PDE4B: variants seen among roughly 807,000 people sequenced by gnomAD.
The protein encoded by PDE4B is 3',5'-cyclic-AMP phosphodiesterase 4B.
Under a neutral mutation model 82.2 loss-of-function variants are expected in PDE4B, and 20 were observed. The ratio of observed to expected loss-of-function variants is 0.24; its 90% confidence interval spans 0.17 to 0.35. The LOEUF (loss-of-function observed/expected upper bound fraction) is 0.35, where lower values mean the gene tolerates loss of function less well. Among genes scored for constraint, PDE4B ranks in the 10% least tolerant of loss-of-function variants. The pLI is 1.00. For synonymous variants in PDE4B, 320 were observed against 318.9 expected (o/e 1.00, Z -0.04); for missense variants, 655 against 907.2 (o/e 0.72, Z 3.57).
chr1:66,275,905 C>A (rs1028377662), intron 7 of PDE4B, among the ~76,000 whole-genome samples: 3 of 152,170 alleles, frequency 2.0e-5, no homozygotes, highest in Admixed American at 2.0e-4. Context: ...CCAAAAGCGA[C>A]CCCTTGGAGT....
chr1:65,876,734 C>T lies in PDE4B; in HGVS notation c.-70-36511C>T, dbSNP rs529081453. ...ATAATCATACAATATGAAATATTTC[C>T]GTGGTTGGAAAATATAGCCTGAAAG... On this transcript the variant is annotated intron_variant, in intron 1 of 16. Transcript: ENST00000341517. 1.6e-4 allele frequency among the ~76,000 whole-genome samples: 24 copies of T among 152,006 alleles called. No homozygotes were observed. In the South Asian group the frequency reaches 3.1e-3, roughly 20 times the overall value.
At chr1:66,297,223 G>C (rs891282790) in intron 7 of PDE4B, among the ~76,000 whole-genome samples, 1 of 151,982 alleles carries the variant, frequency 6.6e-6, no homozygotes, top group African/African-American at 2.4e-5. Context: ...CTTGTGTAAG[G>C]TCCATAAGGA....
chr1:66,257,743 G>T, intron 5 of PDE4B, 50 bp from the exon 6 acceptor site: 1 of 1,605,484 alleles, frequency 6.2e-7, no homozygotes, highest in South Asian at 1.1e-5. Context: ...GTCTGAACCT[G>T]GCCATTTGTC....
intron 1 of PDE4B, among the ~76,000 whole-genome samples, chr1:65,816,416 T>C (rs1645886760): frequency 1.3e-5 from 2 of 152,102 alleles, no homozygotes; most frequent in African/African-American, 4.8e-5. Context: ...GAAGGAAAAA[T>C]AGCCAGTTTT....
rs143915622 is a variant in PDE4B at position 65,819,876 on chromosome 1, G to T, written c.-71+26628G>T. On this transcript the variant is annotated intron_variant, in intron 1 of 16. Coordinates refer to ENST00000341517, the MANE Select transcript of PDE4B (RefSeq NM_002600.4). ...TAAAAGAATTACAGAAGGAATGACC[G>T]CAGAGGTAGAAGGATTCCACCAATG... 3.0e-3 allele frequency among the ~76,000 whole-genome samples: 463 copies of T among 152,274 alleles called. 1 individual carries two copies. The highest frequency in any genetic ancestry group is 0.01 in the African/African-American group (433 of 41,548).
At chr1:66,054,992 G>A (rs1397975449) in intron 3 of PDE4B, among the ~76,000 whole-genome samples, 4 of 152,224 alleles carry the variant, frequency 2.6e-5, no homozygotes, top group African/African-American at 9.6e-5. Flanking sequence ...CACCTTTATA[G>A]AGGTGATATT....
At chr1:65,898,430 CCCA>C (rs1646934773) in intron 1 of PDE4B, among the ~76,000 whole-genome samples, 1 of 151,772 alleles carries the variant, frequency 6.6e-6, no homozygotes, top group Non-Finnish European at 1.5e-5. Flanking sequence ...AGGGTATTTC[CCCA>C]CCATCATTCT....
Position 66,372,484 on chromosome 1 carries a change from G to T in PDE4B, c.2017G>T (p.Gly673Cys). 1 of 1,614,090 alleles carries T rather than the reference G, an allele frequency of 6.2e-7. No individual in the cohort carries two copies. Residue 673 changes from glycine to cysteine, a missense_variant, in exon 17 of 17, where the codon GGT becomes TGT. Coordinates refer to ENST00000341517, the MANE Select transcript of PDE4B (RefSeq NM_002600.4). ...GGACGAGCAGAACAGGGACTGCCAG[G>T]GTCTGATGGAGAAGTTTCAGTTTGA... ...PLDEQNRDCQ[G>C]LMEKFQFELT...
At chr1:66,344,097 A>C (rs1015179951) in intron 8 of PDE4B, among the ~76,000 whole-genome samples, 4 of 152,196 alleles carry the variant, frequency 2.6e-5, no homozygotes, top group African/African-American at 9.7e-5. Flanking sequence ...AGTGCCCCCC[A>C]ATGCCTGTAG....
chr1:66,109,271 G>A (rs1311527305), intron 3 of PDE4B, among the ~76,000 whole-genome samples: 1 of 151,874 alleles, frequency 6.6e-6, no homozygotes, highest in Non-Finnish European at 1.5e-5. Context: ...GTGATGATGA[G>A]ATAATTCTTT....
rs550038287 is a variant in PDE4B at position 66,163,156 on chromosome 1, C to T, written c.282-84304C>T. Among the ~76,000 whole-genome samples, 5 of 152,248 alleles carry T rather than the reference C, an allele frequency of 3.3e-5. No individual in the cohort carries two copies. In the South Asian group the frequency reaches 1.0e-3, roughly 32 times the overall value. Reference sequence around the variant, plus strand: ...TACAGTAATCTAATCTAATTCTTCCCGAGACTCACCTGCAGAATGGAATTA... The same window carrying T: ...TACAGTAATCTAATCTAATTCTTCCTGAGACTCACCTGCAGAATGGAATTA... On this transcript the variant is annotated intron_variant, in intron 3 of 16. Transcript: ENST00000341517.
intron 6 of PDE4B, among the ~76,000 whole-genome samples, chr1:66,258,704 G>A (rs6667915): frequency 0.21 from 32,527 of 152,020 alleles, 7,223 homozygotes; most frequent in African/African-American, 0.56. Context: ...GCCAAAACCT[G>A]TATCTAATTT....
At chr1:65,994,805 T>A (rs2503190) in intron 3 of PDE4B, among the ~76,000 whole-genome samples, 151,083 of 152,214 alleles carry the variant, frequency 0.99, 74,991 homozygotes, top group Middle Eastern at 1. Context: ...TATTTTTCTT[T>A]ATGTAGAGTT....
chr1:66,117,756 G>A (rs1289743850), intron 3 of PDE4B, among the ~76,000 whole-genome samples: 8 of 152,014 alleles, frequency 5.3e-5, no homozygotes, highest in Admixed American at 5.2e-4. Context: ...AGTTTTCTTT[G>A]GTTCTGGTAC....
At chr1:65,827,995 T>C (rs190932125) in intron 1 of PDE4B, among the ~76,000 whole-genome samples, 2 of 152,162 alleles carry the variant, frequency 1.3e-5, no homozygotes, top group Non-Finnish European at 2.9e-5. Context: ...AAGTGACGTA[T>C]TTAAAGTGCA....
intron 3 of PDE4B, among the ~76,000 whole-genome samples, chr1:66,021,392 A>G (rs1653099533): frequency 6.6e-6 from 1 of 152,184 alleles, no homozygotes; most frequent in Admixed American, 6.5e-5. Context: ...GTCCTTGCCC[A>G]TGCCTATGTC....
chr1:65,807,702 T>C (rs955086476), intron 1 of PDE4B, among the ~76,000 whole-genome samples: 1 of 152,224 alleles, frequency 6.6e-6, no homozygotes, highest in African/African-American at 2.4e-5. Flanking sequence ...CTCTTGGCTA[T>C]TTTCAATTGG....
At chr1:66,331,827 TGGAGTCTTATCAG>T in intron 7 of PDE4B, 1 of 985,358 alleles carries the variant, frequency 1.0e-6, no homozygotes, top group Non-Finnish European at 1.2e-6. Context: ...TCTTTTAGAC[TGGAGTCTTATCAG>T]GGAGACCTCA....
At chr1:65,798,192 AT>A (rs1304849570) in intron 1 of PDE4B, among the ~76,000 whole-genome samples, 2 of 90,956 alleles carry the variant, frequency 2.2e-5, no homozygotes, top group Non-Finnish European at 5.7e-5. Flanking sequence ...TAATTTTTGT[AT>A]TTTTTTTAGT....
Sources: allele counts gnomAD v4.1 joint callset (sites outside exome capture counted in the v4.1 genomes callset), GRCh38; gene constraint gnomAD v4.1.1; transcripts MANE v1.5; gene names NCBI Gene and HGNC (gene_info 2026-07-23, HGNC 2026-07-21).